CAMSAP2: variants seen among roughly 807,000 people sequenced by gnomAD.
CAMSAP2 encodes calmodulin regulated spectrin associated protein family member 2, also known as calmodulin-regulated spectrin-associated protein 2.
In CAMSAP2, 26 loss-of-function variants were observed where a neutral mutation model predicts 146.1. That is an observed-to-expected ratio of 0.18 (90% CI 0.13 to 0.25). CAMSAP2 has a LOEUF of 0.25. Among genes scored for constraint, CAMSAP2 ranks in the 10% least tolerant of loss-of-function variants. CAMSAP2 has a pLI of 1.00. For synonymous variants in CAMSAP2, 499 were observed against 596.6 expected (o/e 0.84, Z 2.38); for missense variants, 1,381 against 1,759.3 (o/e 0.78, Z 3.85).
Position 200,853,539 on chromosome 1 carries a change from G to A in CAMSAP2, c.3823+44G>A. ...AAGAGTCTGTTCATAAAAAACACCAGCTTGATTGGTTTGTCATACTAACTT... is the reference window on the plus strand; with the variant it reads ...AAGAGTCTGTTCATAAAAAACACCAACTTGATTGGTTTGTCATACTAACTT... On this transcript the variant is annotated intron_variant, in intron 13 of 16. Coordinates refer to ENST00000358823, the MANE Select transcript of CAMSAP2 (RefSeq NM_203459.4). This position sits in a 1 kb window ranked among gnomAD's most constrained non-coding sequence, Gnocchi z 5.1. 1 of 1,444,242 alleles carries A rather than the reference G, an allele frequency of 6.9e-7. No individual in the cohort carries two copies. Among genetic ancestry groups the A allele is most frequent in the Non-Finnish European group, 9.6e-7 (1 of 1,037,702 alleles). 89.5% of individuals were successfully genotyped at this position (1,444,242 alleles called of 1,614,324 possible). A position where few individuals can be genotyped will look rare whatever the true frequency, so the allele number is the denominator to read the frequency against.
chr1:200,823,182 G>A (rs1361648951), intron 4 of CAMSAP2, among the ~76,000 whole-genome samples: 3 of 152,056 alleles, frequency 2.0e-5, no homozygotes, highest in Admixed American at 6.6e-5. Flanking sequence ...TCTGTTATAA[G>A]CAAGTTTTTC....
intron 2 of CAMSAP2, among the ~76,000 whole-genome samples, chr1:200,804,083 C>T (rs939988109): frequency 3.9e-5 from 6 of 151,982 alleles, no homozygotes; most frequent in Non-Finnish European, 7.4e-5. Context: ...TCCGCCACCA[C>T]GCCTGGCTAA....
intron 2 of CAMSAP2, among the ~76,000 whole-genome samples, chr1:200,775,079 G>T (rs1042308451): frequency 6.6e-6 from 1 of 152,206 alleles, no homozygotes; most frequent in African/African-American, 2.4e-5. Context: ...TTAGTAAGGA[G>T]CTACAAGGAG....
Position 200,853,315 on chromosome 1 carries a change from A to G in CAMSAP2, c.3643A>G (p.Arg1215Gly). 1 of 1,613,672 alleles carries G rather than the reference A, an allele frequency of 6.2e-7. No homozygotes were observed. ...AGAACGTCAGAAGAAAGAAGATGAG[A>G]GAGCACGCAGAGAATTTATTAGGCA... ...EEERQKKEDERARREFIRQEY... is the reference protein window; with the variant it reads ...EEERQKKEDEGARREFIRQEY... Residue 1215 changes from arginine to glycine, a missense_variant, in exon 13 of 17, where the codon AGA (arginine) becomes GGA (glycine). By Grantham distance (125) the Arg-to-Gly change is moderately radical. This residue lies in a region of CAMSAP2 where 560 missense variants were observed against 715.9 expected (regional missense o/e 0.78). Coordinates refer to ENST00000358823, the MANE Select transcript of CAMSAP2 (RefSeq NM_203459.4). This position sits in a 1 kb window ranked among gnomAD's most constrained non-coding sequence, Gnocchi z 5.1.
At position 200,739,281 on chromosome 1, in the gene CAMSAP2, C is replaced by A. The variant is rs1664074966; in HGVS notation, c.-547C>A. 6.6e-6 allele frequency among the ~76,000 whole-genome samples: 1 copy of A among 152,170 alleles called. No individual in the cohort carries two copies. The highest frequency in any genetic ancestry group is 2.1e-4 in the South Asian group (1 of 4,832). ...GTGGGCCAGCTCGCCCCGCGCTTCC[C>A]CCTCGTCCTGCTCGTCCCTCCGCCC... On this transcript the variant is annotated 5_prime_UTR_variant, in exon 1 of 17. Coordinates refer to ENST00000358823, the MANE Select transcript of CAMSAP2 (RefSeq NM_203459.4). This position sits in a 1 kb window ranked among gnomAD's most constrained non-coding sequence, Gnocchi z 4.8.
At chr1:200,800,196 G>C (rs572701280) in intron 2 of CAMSAP2, among the ~76,000 whole-genome samples, 4 of 152,256 alleles carry the variant, frequency 2.6e-5, no homozygotes, top group African/African-American at 9.6e-5. Context: ...GCTTGGTCCA[G>C]AGCTGAGTTC....
At chr1:200,773,593 C>T (rs1001752321) in intron 2 of CAMSAP2, among the ~76,000 whole-genome samples, 5 of 152,100 alleles carry the variant, frequency 3.3e-5, no homozygotes, top group Non-Finnish European at 7.4e-5. Context: ...TCTATGCATT[C>T]ACTGCAGATT....
chr1:200,766,111 T>TA (rs1664942035), intron 2 of CAMSAP2, among the ~76,000 whole-genome samples: 1 of 152,090 alleles, frequency 6.6e-6, no homozygotes, highest in Admixed American at 6.6e-5. Context: ...AGATTTTATC[T>TA]ATTGTTTATT....
intron 4 of CAMSAP2, among the ~76,000 whole-genome samples, chr1:200,824,556 C>T (rs940035631): frequency 3.9e-5 from 6 of 152,144 alleles, no homozygotes; most frequent in Admixed American, 2.0e-4. Flanking sequence ...TCCCCTATTC[C>T]ATGCAGGACT....
At position 200,769,571 on chromosome 1, in the gene CAMSAP2, G is replaced by T. The variant is rs149958989; in HGVS notation, c.399+8473G>T. 4.5e-3 allele frequency among the ~76,000 whole-genome samples: 690 copies of T among 152,294 alleles called. 8 individuals are homozygous for T. Among genetic ancestry groups the T allele is most frequent in the African/African-American group, 0.016 (663 of 41,566 alleles). On this transcript the variant is annotated intron_variant, in intron 2 of 16. Coordinates refer to ENST00000358823, the MANE Select transcript of CAMSAP2 (RefSeq NM_203459.4). The stretch of plus-strand genomic sequence containing the variant: ...GGTACTTCTCACTGACCGGCTTCAA[G>T]TTGGGGTTCCCATGACCCCCTCTTT...
In CAMSAP2 at chr1:200,834,448, T is replaced by C. The variant is rs145945584; in HGVS notation, c.927+1603T>C. On this transcript the variant is annotated intron_variant, in intron 6 of 16. Coordinates refer to ENST00000358823, the MANE Select transcript of CAMSAP2 (RefSeq NM_203459.4). ...ATTCCCAAGTTTGAAAATTAAGTTG[T>C]GTTATGAATACTGTTATTTTTAATA... Among the ~76,000 whole-genome samples the C allele has an allele frequency of 1.9e-3, 296 of 152,328 alleles. 1 individual carries two copies. Among genetic ancestry groups the C allele is most frequent in the African/African-American group, 6.9e-3 (288 of 41,572 alleles).
chr1:200,807,244 C>G (rs1357875747), intron 2 of CAMSAP2, 132 bp from the exon 3 acceptor site: 2 of 583,434 alleles, frequency 3.4e-6, no homozygotes, highest in African/African-American at 3.8e-5. Flanking sequence ...ACAATTTATG[C>G]TTTCTTATTA....
chr1:200,780,843 AC>A (rs1259026316), intron 2 of CAMSAP2, among the ~76,000 whole-genome samples: 2 of 152,232 alleles, frequency 1.3e-5, no homozygotes, highest in East Asian at 1.9e-4. Context: ...TGGCTACTTA[AC>A]GAGGTGGATA....
rs561918723 is a variant in CAMSAP2, at chr1:200,839,972, G to A, written c.928-2022G>A. ...CTTTTTTTAGTCACAAATTTTAATGGCTGCTTCAATTAGTATGTATCTGTA... is the reference window on the plus strand; with the variant it reads ...CTTTTTTTAGTCACAAATTTTAATGACTGCTTCAATTAGTATGTATCTGTA... On this transcript the variant is annotated intron_variant, in intron 6 of 16. Transcript: ENST00000358823. 1.5e-3 allele frequency among the ~76,000 whole-genome samples: 228 copies of A among 152,176 alleles called. 1 individual carries two copies. Among genetic ancestry groups the A allele is most frequent in the Admixed American group, 4.4e-3 (67 of 15,282 alleles).
At chr1:200,855,203 ACAGT>A (rs879674002) in intron 14 of CAMSAP2, among the ~76,000 whole-genome samples, 5 of 152,152 alleles carry the variant, frequency 3.3e-5, no homozygotes, top group Non-Finnish European at 7.4e-5. Flanking sequence ...TTATTAAATC[ACAGT>A]CAGTAGAATG....
At chr1:200,799,323 CTT>C (rs1161339187) in intron 2 of CAMSAP2, among the ~76,000 whole-genome samples, 3 of 151,780 alleles carry the variant, frequency 2.0e-5, no homozygotes, top group Admixed American at 2.0e-4. Context: ...GGTTGGTAGA[CTT>C]TTAATTACTG....
intron 4 of CAMSAP2, among the ~76,000 whole-genome samples, chr1:200,828,405 T>G (rs1017807458): frequency 5.3e-5 from 8 of 152,152 alleles, no homozygotes; most frequent in Non-Finnish European, 7.4e-5. Context: ...ATTAGGAACT[T>G]ATGTATTTTT....
At chr1:200,786,084 A>G (rs1402277752) in intron 2 of CAMSAP2, among the ~76,000 whole-genome samples, 1 of 152,206 alleles carries the variant, frequency 6.6e-6, no homozygotes, top group Admixed American at 6.5e-5. Flanking sequence ...CTCCCTTATT[A>G]TCTTTTTAAT....
chr1:200,850,036 A>G lies in CAMSAP2; in HGVS notation c.3267A>G (p.Gln1089=). 4 of 1,612,946 alleles carry G rather than the reference A, an allele frequency of 2.5e-6. No individual in the cohort carries two copies. The highest frequency in any genetic ancestry group is 2.2e-5 in the East Asian group (1 of 44,870). The change falls in exon 11 of 17, where the codon CAA becomes CAG. Residue 1089 remains glutamine, a synonymous_variant. Transcript: ENST00000358823. ...TATGTCTGACACCAAATGAGGACCA[A>G]TTGAATCAACCCACAGAACCCCCTC... ...ETVCLTPNED[Q]LNQPTEPPPK... is the part of the protein sequence containing the mutation.
Sources: allele counts gnomAD v4.1 joint callset (sites outside exome capture counted in the v4.1 genomes callset), GRCh38; gene constraint gnomAD v4.1.1; regional missense constraint gnomAD v4.1.1; non-coding constraint Gnocchi (gnomAD v3.1); transcripts MANE v1.5; gene names NCBI Gene and HGNC (gene_info 2026-07-23, HGNC 2026-07-21).